DOCK7: variants seen among roughly 807,000 people sequenced by gnomAD.
DOCK7 encodes the protein dedicator of cytokinesis 7.
In DOCK7, 138 loss-of-function variants were observed where a neutral mutation model predicts 271.0. The observed-to-expected ratio is 0.51, with a 90% CI of 0.44 to 0.59. The LOEUF is 0.59. Among genes scored for constraint, DOCK7 ranks in the 20% least tolerant of loss-of-function variants. The pLI is 0.00. For synonymous variants in DOCK7, 823 were observed against 876.1 expected, an observed-to-expected ratio of 0.94 and a Z score of 1.07; for missense variants, 2,066 against 2,592.4, an observed-to-expected ratio of 0.80 and a Z score of 4.41.
intron 18 of DOCK7, among the ~76,000 whole-genome samples, chr1:62,569,287 A>T (rs1470936777): frequency 6.6e-6 from 1 of 152,186 alleles, no homozygotes; most frequent in East Asian, 1.9e-4. Flanking sequence ...AACAACGAAA[A>T]AAGAAGGCTT....
intron 7 of DOCK7, among the ~76,000 whole-genome samples, chr1:62,647,092 G>C (rs1286030725): frequency 6.6e-6 from 1 of 152,160 alleles, no homozygotes; most frequent in Non-Finnish European, 1.5e-5. Context: ...CTGTCCCTAT[G>C]AGTTGCTTGT....
chr1:62,507,073 T>C (rs1294680511), intron 35 of DOCK7, among the ~76,000 whole-genome samples: 1 of 151,984 alleles, frequency 6.6e-6, no homozygotes, highest in Non-Finnish European at 1.5e-5. Context: ...CTTCCCAAAT[T>C]GCTGGGATTA....
chr1:62,583,112 AC>A (rs1647186655), intron 16 of DOCK7, 71 bp downstream of exon 16: 2 of 1,255,118 alleles, frequency 1.6e-6, no homozygotes, highest in Non-Finnish European at 2.3e-6. Flanking sequence ...CATTTGGTAA[AC>A]ACACTAATGT....
At chr1:62,619,068 A>G (rs2149586754) in intron 13 of DOCK7, among the ~76,000 whole-genome samples, 200 bp from the exon 14 acceptor site, 1 of 152,298 alleles carries the variant, frequency 6.6e-6, no homozygotes, top group African/African-American at 2.4e-5. Context: ...CGATCCAGAC[A>G]TAAATGCACG....
chr1:62,685,390 G>C (rs1661611917), intron 1 of DOCK7, among the ~76,000 whole-genome samples: 1 of 152,152 alleles, frequency 6.6e-6, no homozygotes, highest in Non-Finnish European at 1.5e-5. Flanking sequence ...GAAGTATTAA[G>C]TATTATTCAA....
intron 22 of DOCK7, among the ~76,000 whole-genome samples, chr1:62,551,680 T>C (rs951270667): frequency 1.3e-5 from 2 of 151,930 alleles, no homozygotes; most frequent in African/African-American, 2.4e-5. Flanking sequence ...ATCAAAAATT[T>C]TGCAATAAAA....
chr1:62,489,124 T>C (rs1646383386), intron 41 of DOCK7, 59 bp from the exon 42 acceptor site: 2 of 1,444,966 alleles, frequency 1.4e-6, no homozygotes, highest in Non-Finnish European at 1.9e-6. Context: ...GAAAGAAAAG[T>C]AATTATATGA....
At chr1:62,493,407 T>C (rs1364490073) in intron 40 of DOCK7, among the ~76,000 whole-genome samples, 2 of 152,212 alleles carry the variant, frequency 1.3e-5, no homozygotes, top group African/African-American at 2.4e-5. Flanking sequence ...ATCTAAGGCC[T>C]TTTCTTTGTG....
At chr1:62,631,202 G>A in intron 11 of DOCK7, 38 bp downstream of exon 11, 1 of 1,505,946 alleles carries the variant, frequency 6.6e-7, no homozygotes, top group Admixed American at 2.2e-5. Flanking sequence ...AAAGAAAAAA[G>A]TAAACATTTA....
rs562222902 is a variant in DOCK7, at chr1:62,653,936, C to T, written c.320+48G>A. The T allele has an allele frequency of 1.5e-4, 240 of 1,578,124 alleles. 5 individuals are homozygous for T. In the South Asian group the frequency reaches 2.6e-3, roughly 17 times the overall value. On this transcript the variant is annotated intron_variant, in intron 3 of 49. Transcript: ENST00000635253. ...CTCTAAATAAAATAATGGAAGGTAGCCTTTCTATAGTTCCTCTAAAGCCAA... is the reference window on the plus strand; with the variant it reads ...CTCTAAATAAAATAATGGAAGGTAGTCTTTCTATAGTTCCTCTAAAGCCAA...
chr1:62,555,079 T>C (rs987704689), intron 21 of DOCK7, among the ~76,000 whole-genome samples: 1 of 152,142 alleles, frequency 6.6e-6, no homozygotes, highest in Non-Finnish European at 1.5e-5. Context: ...TAATCATTAG[T>C]TAGTTAAATG....
At chr1:62,652,391 G>A (rs536823866) in intron 4 of DOCK7, among the ~76,000 whole-genome samples, 1 of 151,924 alleles carries the variant, frequency 6.6e-6, no homozygotes, top group East Asian at 1.9e-4. Context: ...ATAATATCTA[G>A]TATAATAGAA....
intron 43 of DOCK7, chr1:62,486,928 T>A (rs1230698405): frequency 6.6e-6 from 1 of 152,266 alleles, no homozygotes; most frequent in Non-Finnish European, 1.5e-5. Context: ...ACAGGGATTT[T>A]TTTTTTCCTT....
intron 7 of DOCK7, among the ~76,000 whole-genome samples, chr1:62,644,423 T>C (rs1487370702): frequency 6.6e-6 from 1 of 152,230 alleles, no homozygotes; most frequent in Non-Finnish European, 1.5e-5. Flanking sequence ...TAGGCATTTA[T>C]GCAGGAGCAT....
rs1398479098 is a variant in DOCK7, at chr1:62,477,844, G to A, written c.5509-19C>T. The A allele has an allele frequency of 1.9e-6, 3 of 1,567,962 alleles. No homozygotes were observed. Among genetic ancestry groups the A allele is most frequent in the Non-Finnish European group, 2.6e-6 (3 of 1,159,860 alleles). ...ACATCCGCTTACCATCCTAGGTTTA[G>A]GAAAATGGAGAAACTTTAATATGAA... On this transcript the variant is annotated intron_variant, in intron 43 of 49. Transcript: ENST00000635253.
chr1:62,528,130 CT>C lies in DOCK7; in HGVS notation c.3936+20del. 6.3e-7 allele frequency: 1 copy of C among 1,588,382 alleles called. No individual in the cohort carries two copies. Among genetic ancestry groups the C allele is most frequent in the Non-Finnish European group, 8.6e-7 (1 of 1,167,358 alleles). ...ATTTGTCTTTCTAGAAAAAAAAATT[CT>C]GTAGGAGGATTGTTTTTACCGTTGA... On this transcript the variant is annotated intron_variant, in intron 31 of 49. Transcript: ENST00000635253.
At chr1:62,482,884 AC>A (rs1480767876) in intron 43 of DOCK7, 1 of 152,214 alleles carries the variant, frequency 6.6e-6, no homozygotes, top group Non-Finnish European at 1.5e-5. Flanking sequence ...CTGACAAAAC[AC>A]ATTCTTCCAA....
chr1:62,559,201 AATTTGTCAAG>A lies in DOCK7; in HGVS notation c.2209_2218del (p.Leu737PhefsTer27). On this transcript the variant is annotated frameshift_variant, in exon 20 of 50. Transcript: ENST00000635253. LOFTEE classifies it high-confidence loss of function. ...ATCCAGAGCATTGACCAGAGCAAAA[AATTTGTCAAG>A]ATAAGGATCCTAAAACAAAGAATAA... The A allele has an allele frequency of 6.2e-7, 1 of 1,612,878 alleles. No homozygotes were observed. Among genetic ancestry groups the A allele is most frequent in the Non-Finnish European group, 8.5e-7 (1 of 1,179,228 alleles).
chr1:62,636,915 T>C (rs1278982709), intron 7 of DOCK7, among the ~76,000 whole-genome samples: 2 of 152,190 alleles, frequency 1.3e-5, no homozygotes, highest in African/African-American at 2.4e-5. Flanking sequence ...CACTTATATA[T>C]GTAGATATGT....
Sources: allele counts gnomAD v4.1 joint callset (sites outside exome capture counted in the v4.1 genomes callset), GRCh38; gene constraint gnomAD v4.1.1; transcripts MANE v1.5; gene names NCBI Gene and HGNC (gene_info 2026-07-23, HGNC 2026-07-21).